Variants in CFAP299 observed in about 807,000 individuals in gnomAD.
CFAP299 encodes cilia and flagella associated protein 299, also known as cilia- and flagella-associated protein 299.
CFAP299 carries 21 observed loss-of-function variants against 27.0 expected under a neutral mutation model. The observed-to-expected ratio is 0.78, with a 90% confidence interval of 0.55 to 1.12. CFAP299 has a LOEUF of 1.12. CFAP299 is among the 50% of genes most tolerant of loss of function. The pLI, the probability that CFAP299 is intolerant of heterozygous loss-of-function variation, is 0.00. For synonymous variants in CFAP299, 104 were observed against 98.1 expected, an observed-to-expected ratio of 1.06 and a Z score of -0.36; for missense variants, 310 against 276.6, an observed-to-expected ratio of 1.12 and a Z score of -0.86.
chr4:80,919,781 A>T (rs979796419), intron 4 of CFAP299, among the ~76,000 whole-genome samples: 6 of 152,134 alleles, frequency 3.9e-5, no homozygotes, highest in African/African-American at 1.4e-4. Context: ...CACCATCCAG[A>T]TAGAATCAAA....
At chr4:80,743,485 C>A (rs1477157511) in intron 3 of CFAP299, among the ~76,000 whole-genome samples, 1 of 151,998 alleles carries the variant, frequency 6.6e-6, no homozygotes, top group Admixed American at 6.6e-5. Context: ...GGATAAATGA[C>A]TATAAATATA....
intron 3 of CFAP299, among the ~76,000 whole-genome samples, chr4:80,833,445 C>T (rs987777037): frequency 1.3e-5 from 2 of 152,062 alleles, no homozygotes; most frequent in South Asian, 2.1e-4. Flanking sequence ...AAAAATAACA[C>T]GTACTGGCCC....
chr4:80,499,037 TA>T (rs1731600928), intron 2 of CFAP299, among the ~76,000 whole-genome samples: 1 of 152,148 alleles, frequency 6.6e-6, no homozygotes, highest in Non-Finnish European at 1.5e-5. Context: ...AAGTGGGAAC[TA>T]AACCCTGAGT....
At chr4:80,441,790 T>C (rs1728371723) in intron 2 of CFAP299, among the ~76,000 whole-genome samples, 2 of 152,156 alleles carry the variant, frequency 1.3e-5, no homozygotes, top group African/African-American at 4.8e-5. Context: ...GACCCATCAG[T>C]GTGCTTGTAT....
intron 3 of CFAP299, among the ~76,000 whole-genome samples, chr4:80,816,151 C>T (rs1412237610): frequency 6.6e-6 from 1 of 151,850 alleles, no homozygotes; most frequent in Non-Finnish European, 1.5e-5. Context: ...ATTTAAAAAA[C>T]AGATACCCTC....
At chr4:80,898,666 G>A (rs1420900102) in intron 4 of CFAP299, among the ~76,000 whole-genome samples, 2 of 151,988 alleles carry the variant, frequency 1.3e-5, no homozygotes, top group Non-Finnish European at 2.9e-5. Context: ...GGAAAACCCA[G>A]CTGTAAGATA....
chr4:80,929,505 G>A (rs986611666), intron 4 of CFAP299, among the ~76,000 whole-genome samples: 7 of 152,162 alleles, frequency 4.6e-5, no homozygotes, highest in African/African-American at 1.4e-4. Context: ...TCTGAAGCTA[G>A]GAACCTAAGG....
intron 2 of CFAP299, among the ~76,000 whole-genome samples, chr4:80,470,378 T>A (rs1422412605): frequency 6.6e-6 from 1 of 152,212 alleles, no homozygotes; most frequent in East Asian, 1.9e-4. Flanking sequence ...ATGTTGTATA[T>A]GACTCTACTG....
intron 2 of CFAP299, among the ~76,000 whole-genome samples, chr4:80,375,230 C>T (rs1724344560): frequency 6.6e-6 from 1 of 152,168 alleles, no homozygotes; most frequent in African/African-American, 2.4e-5. Flanking sequence ...CAAAGGATAC[C>T]CAGTAATTAA....
intron 4 of CFAP299, chr4:80,871,580 T>G (rs947313540): frequency 6.2e-5 from 61 of 985,296 alleles, no homozygotes; most frequent in Non-Finnish European, 7.2e-5. Flanking sequence ...GCATCACCCT[T>G]GAAACCAAAG....
At chr4:80,898,743 T>G (rs1734736814) in intron 4 of CFAP299, among the ~76,000 whole-genome samples, 1 of 152,088 alleles carries the variant, frequency 6.6e-6, no homozygotes, top group African/African-American at 2.4e-5. Flanking sequence ...TAAAGGAATT[T>G]GAGTGGGTAT....
At chr4:80,774,260 T>C (rs1578111056) in intron 3 of CFAP299, among the ~76,000 whole-genome samples, 1 of 151,906 alleles carries the variant, frequency 6.6e-6, no homozygotes, top group Non-Finnish European at 1.5e-5. Context: ...GGCACATAAG[T>C]TACCCTGAAG....
At chr4:80,521,529 A>T (rs932012263) in intron 2 of CFAP299, among the ~76,000 whole-genome samples, 1 of 152,296 alleles carries the variant, frequency 6.6e-6, no homozygotes, top group East Asian at 1.9e-4. Context: ...CAATATTGTT[A>T]ACTACATGTA....
At chr4:80,760,308 A>T (rs1401104828) in intron 3 of CFAP299, among the ~76,000 whole-genome samples, 1 of 152,176 alleles carries the variant, frequency 6.6e-6, no homozygotes, top group Non-Finnish European at 1.5e-5. Context: ...TCATTATAGG[A>T]ATTAGACATA....
intron 3 of CFAP299, among the ~76,000 whole-genome samples, chr4:80,752,783 A>G (rs1725010070): frequency 1.3e-5 from 2 of 151,928 alleles, no homozygotes; most frequent in African/African-American, 2.4e-5. Context: ...TTTCATTTAT[A>G]TGGCCCCTTT....
chr4:80,526,784 A>G (rs1237364456), intron 2 of CFAP299, among the ~76,000 whole-genome samples: 1 of 152,152 alleles, frequency 6.6e-6, no homozygotes, highest in Non-Finnish European at 1.5e-5. Context: ...CTCTCATATT[A>G]CATTTTACCT....
intron 2 of CFAP299, among the ~76,000 whole-genome samples, chr4:80,534,141 G>C (rs1196952233): frequency 6.6e-6 from 1 of 151,828 alleles, no homozygotes; most frequent in African/African-American, 2.4e-5. Flanking sequence ...TTTCTGGGAG[G>C]TGGAACTAAA....
chr4:80,672,987 GT>G (rs1240464869), intron 3 of CFAP299, among the ~76,000 whole-genome samples: 20 of 150,904 alleles, frequency 1.3e-4, no homozygotes, highest in Non-Finnish European at 2.8e-4. Flanking sequence ...TTTTTGAAGG[GT>G]TTTTTTGTGT....
intron 3 of CFAP299, among the ~76,000 whole-genome samples, chr4:80,713,315 A>G (rs771656359): frequency 6.6e-6 from 1 of 152,198 alleles, no homozygotes; most frequent in Non-Finnish European, 1.5e-5. Context: ...GCTGCAGTCC[A>G]GAGAATTGCA....
Sources: allele counts gnomAD v4.1 joint callset (sites outside exome capture counted in the v4.1 genomes callset), GRCh38; gene constraint gnomAD v4.1.1; transcripts MANE v1.5; gene names NCBI Gene and HGNC (gene_info 2026-07-23, HGNC 2026-07-21).